CPQ: variants seen among roughly 807,000 people sequenced by gnomAD.
The protein encoded by CPQ is carboxypeptidase Q, also known as Ser-Met dipeptidase.
A neutral mutation model predicts 45.7 loss-of-function variants in CPQ; 37 were observed. The ratio of observed to expected loss-of-function variants is 0.81; its 90% CI spans 0.62 to 1.07. The LOEUF (loss-of-function observed/expected upper bound fraction) is 1.07. Among genes scored for constraint, CPQ ranks in the 50% least tolerant of loss-of-function variants. CPQ has a pLI of 0.00. For synonymous variants in CPQ, 186 were observed against 205.8 expected, an observed-to-expected ratio of 0.90 and a Z score of 0.82; for missense variants, 537 against 572.9, an observed-to-expected ratio of 0.94 and a Z score of 0.64.
intron 5 of CPQ, among the ~76,000 whole-genome samples, chr8:97,003,721 G>A (rs1486189864): frequency 6.6e-6 from 1 of 152,128 alleles, no homozygotes; most frequent in Non-Finnish European, 1.5e-5. Flanking sequence ...TGCTTGGAAG[G>A]GGCCTTTAAA....
chr8:96,832,750 G>A (rs1411242716), intron 2 of CPQ, among the ~76,000 whole-genome samples: 1 of 152,160 alleles, frequency 6.6e-6, no homozygotes, highest in Non-Finnish European at 1.5e-5. Context: ...TGTATAGGTA[G>A]GTGTCTATAC....
At chr8:96,725,267 A>G (rs1809821169) in intron 1 of CPQ, among the ~76,000 whole-genome samples, 1 of 152,238 alleles carries the variant, frequency 6.6e-6, no homozygotes, top group Admixed American at 6.5e-5. Context: ...CTGCATAGCC[A>G]AAGAAACTAT....
At chr8:96,761,204 G>A (rs922404192) in intron 1 of CPQ, 1 of 152,192 alleles carries the variant, frequency 6.6e-6, no homozygotes, top group African/African-American at 2.4e-5. Context: ...ACAAACGGCT[G>A]TGCTGGTTAA....
At chr8:97,142,362 A>G (rs1201132738) in intron 7 of CPQ, among the ~76,000 whole-genome samples, 1 of 152,290 alleles carries the variant, frequency 6.6e-6, no homozygotes, top group East Asian at 1.9e-4. Context: ...TCACACTTGA[A>G]TGAGAAGAAA....
intron 4 of CPQ, among the ~76,000 whole-genome samples, chr8:96,913,924 A>G (rs1812699292): frequency 6.6e-6 from 1 of 152,210 alleles, no homozygotes; most frequent in African/African-American, 2.4e-5. Context: ...CAAAGTGATT[A>G]TAAATGGCTT....
intron 5 of CPQ, among the ~76,000 whole-genome samples, chr8:97,004,908 G>A (rs549426641): frequency 5.2e-4 from 77 of 147,930 alleles, no homozygotes; most frequent in African/African-American, 1.8e-3. Flanking sequence ...TTTCTTTTCT[G>A]TGTTTCCCAA....
intron 6 of CPQ, among the ~76,000 whole-genome samples, chr8:97,064,120 C>T (rs976891369): frequency 5.3e-5 from 8 of 152,244 alleles, no homozygotes; most frequent in Non-Finnish European, 8.8e-5. Context: ...CTACACAGTA[C>T]ATGACTAGAA....
At chr8:96,876,972 C>T (rs1812154337) in intron 3 of CPQ, among the ~76,000 whole-genome samples, 1 of 152,072 alleles carries the variant, frequency 6.6e-6, no homozygotes. Context: ...GTTCCCTCCT[C>T]TTCTATTTTT....
rs71267281 is a variant in CPQ at position 96,787,525 on chromosome 8, C to CTTTTTTTTTTTTTTTTTTTTTT, written c.433+2204_433+2225dup. On this transcript the variant is annotated intron_variant, in intron 2 of 7. Transcript: ENST00000220763. ...TTGTAGTTTCATTTTCTTATAATGTCTTTTTTTTTTTTTTTTTTTTTTTTT... is the reference window on the plus strand; with the variant it reads ...TTGTAGTTTCATTTTCTTATAATGTCTTTTTTTTTTTTTTTTTTTTTTTTTTTTTTTTTTTTTTTTTTTTTTT... 2.8e-3 allele frequency among the ~76,000 whole-genome samples: 134 copies of CTTTTTTTTTTTTTTTTTTTTTT among 47,590 alleles called. 39 individuals carry two copies. Among genetic ancestry groups the CTTTTTTTTTTTTTTTTTTTTTT allele is most frequent in the East Asian group, 0.01 (9 of 894 alleles). 31.2% of individuals were successfully genotyped at this position (47,590 alleles called of 152,430 possible).
At chr8:96,861,577 G>A (rs981191657) in intron 3 of CPQ, among the ~76,000 whole-genome samples, 10 of 152,080 alleles carry the variant, frequency 6.6e-5, no homozygotes, top group African/African-American at 9.7e-5. Flanking sequence ...TAATTCTGGC[G>A]TCAGAAGTTA....
intron 4 of CPQ, among the ~76,000 whole-genome samples, chr8:96,900,030 C>T (rs183979073): frequency 2.0e-5 from 3 of 152,096 alleles, no homozygotes; most frequent in African/African-American, 7.2e-5. Context: ...TTCCTGGTAC[C>T]TTTTCTTTCT....
chr8:97,085,081 T>C (rs1283793644), intron 7 of CPQ, among the ~76,000 whole-genome samples: 1 of 152,152 alleles, frequency 6.6e-6, no homozygotes, highest in African/African-American at 2.4e-5. Context: ...ATATTATATA[T>C]GTAATTATTA....
chr8:96,647,121 C>T (rs928540745), intron 1 of CPQ, among the ~76,000 whole-genome samples: 12 of 152,108 alleles, frequency 7.9e-5, no homozygotes, highest in African/African-American at 2.9e-4. Context: ...CTGGAAGGAC[C>T]TTGGAGATTT....
chr8:96,938,570 G>C (rs1813083892), intron 4 of CPQ, among the ~76,000 whole-genome samples: 1 of 152,252 alleles, frequency 6.6e-6, no homozygotes, highest in South Asian at 2.1e-4. Context: ...ACACAGAAAG[G>C]GTGCTGCAGA....
intron 7 of CPQ, chr8:97,133,370 A>G (rs1449031258): frequency 6.6e-6 from 1 of 152,224 alleles, no homozygotes; most frequent in Non-Finnish European, 1.5e-5. Context: ...CTTAATCATT[A>G]GAGTAATTGT....
chr8:96,664,931 G>A (rs981912516), intron 1 of CPQ, among the ~76,000 whole-genome samples: 3 of 152,144 alleles, frequency 2.0e-5, no homozygotes, highest in African/African-American at 7.2e-5. Context: ...ATTTTTTTAA[G>A]CTCTTAGTAT....
chr8:96,887,497 C>G (rs962828233), intron 4 of CPQ, among the ~76,000 whole-genome samples: 1 of 152,076 alleles, frequency 6.6e-6, no homozygotes, highest in Admixed American at 6.5e-5. Flanking sequence ...ATTTATGATG[C>G]TTTCATGATT....
At chr8:97,023,829 C>G (rs1045493292) in intron 5 of CPQ, among the ~76,000 whole-genome samples, 2 of 152,188 alleles carry the variant, frequency 1.3e-5, no homozygotes, top group African/African-American at 4.8e-5. Context: ...GTCCATGAAT[C>G]CTGACTTTAC....
chr8:96,847,836 CTTTTTT>C (rs76194040), intron 3 of CPQ, among the ~76,000 whole-genome samples: 5 of 84,532 alleles, frequency 5.9e-5, no homozygotes, highest in Non-Finnish European at 1.3e-4. Context: ...ATTTGTTTTC[CTTTTTT>C]TTTTTTTTTT....
Sources: gnomAD v4.1 joint callset for allele counts (sites outside exome capture counted in the v4.1 genomes callset) on GRCh38, gnomAD v4.1.1 for gene constraint, MANE v1.5 for transcripts, NCBI Gene and HGNC (gene_info 2026-07-23, HGNC 2026-07-21) for gene names.